The following RUBCN variants were observed in gnomAD, a reference collection of about 807,000 sequenced individuals.
RUBCN encodes rubicon autophagy regulator, also known as run domain Beclin-1-interacting and cysteine-rich domain-containing protein.
A neutral mutation model predicts 113.2 loss-of-function variants in RUBCN; 74 were observed. The observed-to-expected ratio is 0.65, with a 90% CI of 0.54 to 0.79. The LOEUF (loss-of-function observed/expected upper bound fraction) is 0.79. Among genes scored for constraint, RUBCN ranks in the 30% least tolerant of loss-of-function variants. The probability of loss-of-function intolerance (pLI) is 0.00; values close to 1 mark genes in which losing one functional copy is unlikely to be tolerated. For missense variants in RUBCN, 1,109 were observed against 1,251.7 expected (o/e 0.89, Z 1.72); for synonymous variants, 480 against 490.0 (o/e 0.98, Z 0.27).
chr3:197,703,179 A>C (rs1288669564), intron 5 of RUBCN, among the ~76,000 whole-genome samples: 1 of 151,932 alleles, frequency 6.6e-6, no homozygotes, highest in Non-Finnish European at 1.5e-5. Context: ...CGGGAGGATC[A>C]CGAGGTCAGG....
chr3:197,713,671 G>A (rs187302089), intron 2 of RUBCN, among the ~76,000 whole-genome samples: 1 of 152,280 alleles, frequency 6.6e-6, no homozygotes, highest in East Asian at 1.9e-4. Flanking sequence ...GCTGAACCCT[G>A]AGGTGGGGGT....
At chr3:197,684,063 A>G in intron 12 of RUBCN, 94 bp downstream of exon 12, 2 of 982,006 alleles carry the variant, frequency 2.0e-6, no homozygotes, top group Non-Finnish European at 3.3e-6. Context: ...TTACATCTGG[A>G]TGGCTTTGCC....
chr3:197,680,309 C>T (rs1198992239), intron 16 of RUBCN, among the ~76,000 whole-genome samples: 3 of 132,380 alleles, frequency 2.3e-5, no homozygotes, highest in African/African-American at 8.7e-5. Context: ...CAACTGGCTC[C>T]AGACTGTCCT....
At chr3:197,735,779 C>T (rs925111083) in intron 1 of RUBCN, among the ~76,000 whole-genome samples, 1 of 151,780 alleles carries the variant, frequency 6.6e-6, no homozygotes. Context: ...TTTGTAGAGA[C>T]GGGGATCTCC....
rs1719673058 is a variant in RUBCN, at chr3:197,670,379, TTGAA to T, written c.*4635_*4638del. On this transcript the variant is annotated 3_prime_UTR_variant, in exon 20 of 20. Transcript: ENST00000296343. ...ATAGATGTTTGGGATTGACGGATGA[TTGAA>T]TGAATAAATAAATGCTGGGCTGCCA... Among the ~76,000 whole-genome samples, 1 of 152,230 alleles carries T rather than the reference TTGAA, an allele frequency of 6.6e-6. No individual in the cohort carries two copies. The highest frequency in any genetic ancestry group is 6.5e-5 in the Admixed American group (1 of 15,280).
chr3:197,697,194 C>A, intron 7 of RUBCN, 145 bp from the exon 8 acceptor site: 2 of 670,010 alleles, frequency 3.0e-6, no homozygotes, highest in East Asian at 2.9e-5. Flanking sequence ...CGGAACAGCC[C>A]AAGGGTACAG....
Position 197,693,829 on chromosome 3 carries a change from A to G in RUBCN, c.1685-13T>C. 3 of 1,599,420 alleles carry G rather than the reference A, an allele frequency of 1.9e-6. No individual in the cohort carries two copies. The highest frequency in any genetic ancestry group is 2.6e-6 in the Non-Finnish European group (3 of 1,166,602). Reference sequence around the variant, plus strand: ...GTGACCCGAAAGCCTGTTATGTTTAAAAACAAAAAGGAATAAACAGGGCAG... The same window carrying G: ...GTGACCCGAAAGCCTGTTATGTTTAGAAACAAAAAGGAATAAACAGGGCAG... On this transcript the variant is annotated splice_polypyrimidine_tract_variant and intron_variant, in intron 10 of 19. Transcript: ENST00000296343.
chr3:197,731,166 G>A (rs1468018111), intron 1 of RUBCN, among the ~76,000 whole-genome samples: 1 of 151,582 alleles, frequency 6.6e-6, no homozygotes, highest in Non-Finnish European at 1.5e-5. Flanking sequence ...TGTGTCCCTG[G>A]GTACTTGAGA....
At chr3:197,709,622 C>T (rs555807456) in intron 2 of RUBCN, among the ~76,000 whole-genome samples, 6 of 152,110 alleles carry the variant, frequency 3.9e-5, no homozygotes, top group South Asian at 2.1e-4. Flanking sequence ...TCAGGTGATC[C>T]GCCTGCCTCG....
In RUBCN at chr3:197,736,880, G is replaced by T; in HGVS notation, c.-161C>A. On this transcript the variant is annotated 5_prime_UTR_variant, in exon 1 of 20. Coordinates refer to ENST00000296343, the MANE Select transcript of RUBCN (RefSeq NM_014687.4). ...GCGACAGCGGGAGGGACCGCCGCCT[G>T]GGCTGCGGCTTCTATCCCGGCCACC... 1 of 1,372,802 alleles carries T rather than the reference G, an allele frequency of 7.3e-7. No individual in the cohort carries two copies. The highest frequency in any genetic ancestry group is 9.3e-7 in the Non-Finnish European group (1 of 1,070,474). 85.0% of individuals were successfully genotyped at this position (1,372,802 alleles called of 1,614,324 possible). A position where few individuals can be genotyped will look rare whatever the true frequency, so the allele number is the denominator to read the frequency against.
Position 197,700,619 on chromosome 3 carries a change from C to G in RUBCN, c.1255G>C (p.Ala419Pro), listed in dbSNP as rs370543368. ...AGCCGGTGTTCCTCATTACCTGGAG[C>G]TCCCCTGGAGGCAATGCTGGTATCC... Reference protein sequence around the residue: ...HSDTSIASRGAPESCNDKAKL... With the variant: ...HSDTSIASRGPPESCNDKAKL... The change falls in exon 7 of 20, where the codon GCT becomes CCT. Residue 419 changes from alanine to proline, a missense_variant. Transcript: ENST00000296343. 5 of 1,614,026 alleles carry G rather than the reference C, an allele frequency of 3.1e-6. No individual in the cohort carries two copies. The African/African-American group carries it at 6.7e-5, about 22-fold the overall frequency.
rs1721453437 is a variant in RUBCN at position 197,683,214 on chromosome 3, G to A, written c.1980+93C>T. The A allele has an allele frequency of 5.4e-6, 8 of 1,491,288 alleles. No homozygotes were observed. Among genetic ancestry groups the A allele is most frequent in the Non-Finnish European group, 7.5e-6 (8 of 1,068,470 alleles). The allele number at this position is 1,491,288 out of a possible 1,614,324, so 92.4% of individuals were successfully genotyped here. A position where few individuals can be genotyped will look rare whatever the true frequency, so the allele number is the denominator to read the frequency against. On this transcript the variant is annotated intron_variant, in intron 13 of 19. Coordinates refer to ENST00000296343, the MANE Select transcript of RUBCN (RefSeq NM_014687.4). This position sits in a 1 kb window ranked among gnomAD's most constrained non-coding sequence, Gnocchi z 4.6. ...TCCACGAGTAAGGGGGGAACACCCAGGCTCATTCCAGACTAGGGACATGTG... is the reference window on the plus strand; with the variant it reads ...TCCACGAGTAAGGGGGGAACACCCAAGCTCATTCCAGACTAGGGACATGTG...
intron 2 of RUBCN, among the ~76,000 whole-genome samples, chr3:197,716,637 C>T (rs764180653): frequency 2.0e-5 from 3 of 152,126 alleles, no homozygotes; most frequent in Non-Finnish European, 4.4e-5. Context: ...TTCCTAGAAC[C>T]TGGGAATGTT....
intron 1 of RUBCN, among the ~76,000 whole-genome samples, chr3:197,731,754 C>T (rs1324126750): frequency 1.4e-5 from 2 of 147,874 alleles, no homozygotes; most frequent in East Asian, 2.0e-4. Flanking sequence ...GGGGGGCTGA[C>T]CCCCCCACCT....
intron 10 of RUBCN, 38 bp downstream of exon 10, chr3:197,694,337 A>G (rs981612072): frequency 1.3e-6 from 2 of 1,590,462 alleles, no homozygotes; most frequent in Non-Finnish European, 1.7e-6. Flanking sequence ...TGAAGTTGGG[A>G]AAATGTGGGA....
In RUBCN at chr3:197,674,430, G is replaced by T; in HGVS notation, c.*588C>A. On this transcript the variant is annotated 3_prime_UTR_variant, in exon 20 of 20. Transcript: ENST00000296343. ...TCACAGCTGCCTCTGAGGTCTCTGA[G>T]GAGTCTAGGATAGTCAGGATTGTTC... 1 of 319,122 alleles carries T rather than the reference G, an allele frequency of 3.1e-6. No individual in the cohort carries two copies. Among genetic ancestry groups the T allele is most frequent in the South Asian group, 2.8e-5 (1 of 35,522 alleles). 19.8% of individuals were successfully genotyped at this position (319,122 alleles called of 1,614,324 possible).
At position 197,675,443 on chromosome 3, in the gene RUBCN, G is replaced by A. The variant is rs1013429973; in HGVS notation, c.2719C>T (p.His907Tyr). 4 of 1,613,856 alleles carry A rather than the reference G, an allele frequency of 2.5e-6. No homozygotes were observed. The highest frequency in any genetic ancestry group is 2.7e-5 in the African/African-American group (2 of 74,928). The part of the protein sequence containing the change: ...EDDIIFPFEL[H>Y]KCRTCEECKA... The stretch of plus-strand genomic sequence containing the variant: ...TCACCTTCACAGGTCCGGCACTTAT[G>A]GAGCTCAAAGGGAAAGATGATGTCA... The change falls in exon 19 of 20, where the codon CAT becomes TAT. Residue 907 changes from histidine to tyrosine, a missense_variant. His to Tyr is a moderately conservative substitution (Grantham distance 83). Transcript: ENST00000296343. The surrounding 1 kb of genome is among the most constrained non-coding windows in gnomAD (Gnocchi z 4.4).
At chr3:197,688,628 T>C (rs1361993596) in intron 11 of RUBCN, among the ~76,000 whole-genome samples, 1 of 152,124 alleles carries the variant, frequency 6.6e-6, no homozygotes, top group African/African-American at 2.4e-5. Flanking sequence ...GATGCAGCTA[T>C]AATAGAAGAA....
At chr3:197,723,991 G>C (rs1426015020) in intron 1 of RUBCN, among the ~76,000 whole-genome samples, 1 of 152,052 alleles carries the variant, frequency 6.6e-6, no homozygotes, top group Non-Finnish European at 1.5e-5. Flanking sequence ...CCAGCTACTC[G>C]AGAGGCTGAG....
Sources: gnomAD v4.1 joint callset for allele counts (sites outside exome capture counted in the v4.1 genomes callset) on GRCh38, gnomAD v4.1.1 for gene constraint, Gnocchi (gnomAD v3.1) non-coding constraint, MANE v1.5 for transcripts, NCBI Gene and HGNC (gene_info 2026-07-23, HGNC 2026-07-21) for gene names.